Variants in STK3 observed in about 807,000 individuals in gnomAD.
STK3 encodes the protein serine/threonine-protein kinase 3.
A neutral mutation model predicts 58.0 loss-of-function variants in STK3; 41 were observed. The observed-to-expected ratio is 0.71, with a 90% confidence interval of 0.55 to 0.92. The LOEUF is 0.92. Ranked by LOEUF, STK3 falls within the 40% of genes least tolerant of loss-of-function variation. STK3 has a pLI of 0.00. For synonymous variants in STK3, 170 were observed against 191.0 expected (o/e 0.89, Z 0.91); for missense variants, 479 against 602.7 (o/e 0.79, Z 2.15).
At chr8:98,516,177 T>C (rs547448045) in intron 10 of STK3, among the ~76,000 whole-genome samples, 2 of 152,160 alleles carry the variant, frequency 1.3e-5, no homozygotes, top group South Asian at 4.1e-4. Context: ...AAATGTGGCA[T>C]AGTTGCCCAA....
intron 1 of STK3, among the ~76,000 whole-genome samples, chr8:98,924,910 T>C (rs1430720494): frequency 6.6e-6 from 1 of 152,150 alleles, no homozygotes; most frequent in Non-Finnish European, 1.5e-5. Context: ...CTCAGAATTG[T>C]TGCTGGTGTA....
chr8:98,459,572 T>C (rs746818908), intron 10 of STK3, among the ~76,000 whole-genome samples: 16 of 152,348 alleles, frequency 1.1e-4, no homozygotes, highest in Non-Finnish European at 2.2e-4. Context: ...CCAGGGCATG[T>C]CAGAGATCTT....
chr8:98,412,588 A>G (rs937030019), intron 3 of STK3, among the ~76,000 whole-genome samples: 4 of 152,224 alleles, frequency 2.6e-5, no homozygotes, highest in Non-Finnish European at 5.9e-5. Context: ...GAATGAGTCC[A>G]ACTGTCCTTA....
At chr8:98,798,930 C>T (rs1291283645) in intron 1 of STK3, among the ~76,000 whole-genome samples, 1 of 152,220 alleles carries the variant, frequency 6.6e-6, no homozygotes, top group East Asian at 1.9e-4. Context: ...CACAGCATTC[C>T]TCACCACCAG....
At chr8:98,648,568 T>C (rs1350558715) in intron 6 of STK3, among the ~76,000 whole-genome samples, 2 of 152,120 alleles carry the variant, frequency 1.3e-5, no homozygotes, top group African/African-American at 2.4e-5. Flanking sequence ...CAATATTGAG[T>C]GGAGCCATAA....
upstream of STK3, among the ~76,000 whole-genome samples, chr8:98,389,176 C>A (rs1369738528): frequency 6.6e-6 from 1 of 152,204 alleles, no homozygotes; most frequent in Non-Finnish European, 1.5e-5. Flanking sequence ...GGATGTCTCA[C>A]CTTTCCTTTT....
intron 3 of STK3, among the ~76,000 whole-genome samples, chr8:98,765,411 T>C (rs910648913): frequency 6.6e-6 from 1 of 152,232 alleles, no homozygotes; most frequent in African/African-American, 2.4e-5. Flanking sequence ...ATCACTTCAT[T>C]AGCCAAAAAG....
intron 3 of STK3, among the ~76,000 whole-genome samples, chr8:98,864,467 C>A (rs979507187): frequency 3.9e-5 from 6 of 152,204 alleles, no homozygotes; most frequent in Admixed American, 3.9e-4. Context: ...GAGAGAAAAT[C>A]TCTTCTTGTT....
At chr8:98,650,393 C>T (rs1482513934) in intron 6 of STK3, among the ~76,000 whole-genome samples, 1 of 152,254 alleles carries the variant, frequency 6.6e-6, no homozygotes, top group Middle Eastern at 3.2e-3. Flanking sequence ...CTCTGGTCTA[C>T]AGCTCTCAGC....
intron 6 of STK3, chr8:98,633,597 T>C: frequency 1.3e-6 from 1 of 744,986 alleles, no homozygotes; most frequent in South Asian, 1.4e-5. Context: ...GTCAGCAGTC[T>C]CAGTCCATTT....
At chr8:98,712,977 A>C (rs1826638107) in intron 4 of STK3, among the ~76,000 whole-genome samples, 1 of 152,222 alleles carries the variant, frequency 6.6e-6, no homozygotes. Flanking sequence ...AGGATTAAGA[A>C]ACTCACTCAA....
intron 6 of STK3, among the ~76,000 whole-genome samples, chr8:98,682,749 C>T (rs897483375): frequency 2.0e-5 from 3 of 152,084 alleles, no homozygotes; most frequent in East Asian, 1.9e-4. Context: ...AAATATCAAT[C>T]GACACATAAT....
rs1670084621 is a variant in STK3 at position 98,455,583 on chromosome 8, A to G, written c.*259T>C. 2 of 467,350 alleles carry G rather than the reference A, an allele frequency of 4.3e-6. No homozygotes were observed. The highest frequency in any genetic ancestry group is 5.3e-5 in the South Asian group (2 of 38,084). The allele number at this position is 467,350 out of a possible 1,614,324, so 29.0% of individuals were successfully genotyped here. ...TAGAGACCTTGAAAATCCATTTCAT[A>G]ACAGTTTTATTACTGGTATGCAGCT... is the stretch of plus-strand genomic sequence containing the variant. On this transcript the variant is annotated 3_prime_UTR_variant, in exon 11 of 11. Transcript: ENST00000419617.
At chr8:98,895,091 C>A (rs948569588) in intron 1 of STK3, among the ~76,000 whole-genome samples, 1 of 152,166 alleles carries the variant, frequency 6.6e-6, no homozygotes, top group Non-Finnish European at 1.5e-5. Context: ...CACTGAAGAT[C>A]ATTCTTCACG....
At chr8:98,792,359 A>G (rs1356894284) in intron 1 of STK3, among the ~76,000 whole-genome samples, 1 of 152,220 alleles carries the variant, frequency 6.6e-6, no homozygotes, top group Admixed American at 6.5e-5. Context: ...TGGGAATGTA[A>G]CTAGTACAAC....
intron 8 of STK3, chr8:98,553,418 A>G (rs900861670): frequency 3.9e-5 from 6 of 152,144 alleles, no homozygotes; most frequent in Non-Finnish European, 7.4e-5. Flanking sequence ...GTAAAAAGCA[A>G]TGTTCTTATT....
chr8:98,912,178 A>G (rs1380720068), intron 1 of STK3, among the ~76,000 whole-genome samples: 2 of 152,212 alleles, frequency 1.3e-5, no homozygotes, highest in Non-Finnish European at 2.9e-5. Context: ...CAGGAATTCA[A>G]GATGAGCCTG....
chr8:98,716,707 C>A (rs891356988), intron 4 of STK3, among the ~76,000 whole-genome samples: 1 of 151,876 alleles, frequency 6.6e-6, no homozygotes, highest in Non-Finnish European at 1.5e-5. Flanking sequence ...TCTCAAGGGG[C>A]CCCAAAACAA....
intron 4 of STK3, among the ~76,000 whole-genome samples, chr8:98,720,777 T>G (rs1037969705): frequency 2.7e-5 from 4 of 147,234 alleles, no homozygotes; most frequent in African/African-American, 1.0e-4. Context: ...AAAGAAAAAC[T>G]GGGGGTTTTG....
Sources: allele counts gnomAD v4.1 joint callset (sites outside exome capture counted in the v4.1 genomes callset), GRCh38; gene constraint gnomAD v4.1.1; transcripts MANE v1.5; gene names NCBI Gene and HGNC (gene_info 2026-07-23, HGNC 2026-07-21).